The following ZNF215 variants were observed in gnomAD, a reference collection of about 807,000 sequenced individuals.
ZNF215 encodes BWSCR2-associated zinc finger protein 2.
In ZNF215, 24 loss-of-function variants were observed where a neutral mutation model predicts 27.2. That is an observed-to-expected ratio of 0.88 (90% CI 0.64 to 1.24). The LOEUF is 1.24. Among genes scored for constraint, ZNF215 ranks in the 50% most tolerant of loss-of-function variants. ZNF215 has a pLI of 0.00. For missense variants in ZNF215, 675 were observed against 605.7 expected, an observed-to-expected ratio of 1.11 and a Z score of -1.20; for synonymous variants, 210 against 204.0, an observed-to-expected ratio of 1.03 and a Z score of -0.25.
At chr11:6,958,500 T>G (rs569437289), downstream of ZNF215, among the ~76,000 whole-genome samples, 2 of 152,254 alleles carry the variant, frequency 1.3e-5, no homozygotes, top group African/African-American at 4.8e-5. Flanking sequence ...TTTAAAGCTC[T>G]TGCAGAGCAT....
At chr11:6,980,675 T>C (rs542272522) in intron 5 of ZNF215, among the ~76,000 whole-genome samples, 360 of 151,666 alleles carry the variant, frequency 2.4e-3, no homozygotes, top group African/African-American at 8.2e-3. Context: ...TAGTTACATA[T>C]GTATACATGT....
chr11:6,978,469 T>G (rs1163829624), intron 5 of ZNF215, among the ~76,000 whole-genome samples: 3 of 151,938 alleles, frequency 2.0e-5, no homozygotes, highest in African/African-American at 7.3e-5. Context: ...AGGAGCCGAG[T>G]TGAAAACAAA....
At chr11:6,982,068 C>T (rs1013702498) in intron 5 of ZNF215, among the ~76,000 whole-genome samples, 21 of 152,056 alleles carry the variant, frequency 1.4e-4, no homozygotes, top group African/African-American at 4.1e-4. Flanking sequence ...GTTCTTTTGG[C>T]TTAGGATTGA....
intron 5 of ZNF215, among the ~76,000 whole-genome samples, chr11:6,964,595 A>T: frequency 6.6e-6 from 1 of 151,718 alleles, no homozygotes; most frequent in East Asian, 1.9e-4. Context: ...TCTTTCACTG[A>T]TCTTTGTGCC....
intron 3 of ZNF215, among the ~76,000 whole-genome samples, chr11:6,937,363 T>C (rs1602569): frequency 0.41 from 62,488 of 151,676 alleles, 13,073 homozygotes; most frequent in South Asian, 0.49. Context: ...TACAAACCAT[T>C]GTTGAAATTA....
At chr11:6,943,454 C>G in intron 5 of ZNF215, 92 bp from the exon 6 acceptor site, 1 of 1,268,424 alleles carries the variant, frequency 7.9e-7, no homozygotes, top group Non-Finnish European at 1.1e-6. Flanking sequence ...GCTTGGATTA[C>G]TGTGTCGGGA....
chr11:6,932,525 A>G lies in ZNF215; in HGVS notation c.253A>G (p.Lys85Glu). 1.9e-6 allele frequency: 3 copies of G among 1,614,174 alleles called. No individual in the cohort carries two copies. The highest frequency in any genetic ancestry group is 2.5e-6 in the Non-Finnish European group (3 of 1,180,026). ...QWLRPEIHTK[K>E]QIIELLVLEQ... ...GCTGAGACCAGAGATTCATACAAAGAAGCAGATTATAGAACTGTTGGTGCT... is the reference window on the plus strand; with the variant it reads ...GCTGAGACCAGAGATTCATACAAAGGAGCAGATTATAGAACTGTTGGTGCT... The change falls in exon 3 of 7, where the codon AAG becomes GAG. Residue 85 changes from lysine to glutamate, a missense_variant. Lys to Glu is a moderately conservative substitution (Grantham distance 56). Transcript: ENST00000278319.
At chr11:6,966,770 T>A in intron 5 of ZNF215, among the ~76,000 whole-genome samples, 1 of 151,912 alleles carries the variant, frequency 6.6e-6, no homozygotes, top group Non-Finnish European at 1.5e-5. Context: ...TTTCTTAAGG[T>A]AGATGCTTAT....
At chr11:6,975,571 A>C (rs2133343635) in intron 5 of ZNF215, among the ~76,000 whole-genome samples, 1 of 151,980 alleles carries the variant, frequency 6.6e-6, no homozygotes, top group South Asian at 2.1e-4. Flanking sequence ...TACGTCCGTG[A>C]GTTCAATTGT....
At position 6,970,819 on chromosome 11, in the gene ZNF215, G is replaced by A. The variant is rs575496151; in HGVS notation, c.806-13310G>A. Reference sequence around the variant, plus strand: ...TACTGAGCACAAAACTAGATATTCCGAGACATCCTTCCTTGCAGGTACATG... The same window carrying A: ...TACTGAGCACAAAACTAGATATTCCAAGACATCCTTCCTTGCAGGTACATG... On this transcript the variant is annotated intron_variant, in intron 5 of 5. Coordinates refer to the ZNF215 transcript ENST00000529903. 1.7e-3 allele frequency among the ~76,000 whole-genome samples: 258 copies of A among 152,224 alleles called. 2 individuals carry two copies. The highest frequency in any genetic ancestry group is 6.0e-3 in the African/African-American group (251 of 41,530).
chr11:6,959,554 C>G (rs1053720252), downstream of ZNF215, among the ~76,000 whole-genome samples: 4 of 152,098 alleles, frequency 2.6e-5, no homozygotes, highest in African/African-American at 7.2e-5. Context: ...CGTTGAAAAA[C>G]TGTTAGATTT....
intron 3 of ZNF215, among the ~76,000 whole-genome samples, chr11:6,936,012 A>G (rs1849424353): frequency 1.3e-5 from 2 of 152,108 alleles, no homozygotes; most frequent in Non-Finnish European, 2.9e-5. Context: ...AAAATACAAC[A>G]TACCAAAACT....
chr11:6,933,242 G>A (rs1256989566), intron 3 of ZNF215, among the ~76,000 whole-genome samples: 3 of 152,290 alleles, frequency 2.0e-5, no homozygotes, highest in East Asian at 1.9e-4. Context: ...AATTATAAAC[G>A]TATAAATAGG....
chr11:6,964,946 A>C (rs1040631354), intron 5 of ZNF215, among the ~76,000 whole-genome samples: 2 of 152,056 alleles, frequency 1.3e-5, no homozygotes, highest in Non-Finnish European at 2.9e-5. Flanking sequence ...TTTGTATTTA[A>C]ACAAAGTTTT....
Position 6,932,407 on chromosome 11 carries a change from G to T in ZNF215, c.135G>T (p.Glu45Asp), listed in dbSNP as rs756128690. The T allele has an allele frequency of 5.6e-6, 9 of 1,614,028 alleles. No homozygotes were observed. In the East Asian group the frequency reaches 2.0e-4, roughly 36 times the overall value. Residue 45 changes from glutamate to aspartate, a missense_variant, in exon 3 of 7, where the codon GAG (glutamate) becomes GAT (aspartate). Coordinates refer to ENST00000278319, the MANE Select transcript of ZNF215 (RefSeq NM_013250.4). ...CCGTCGTGGAGACACATGACTCTGAGGCATCTCGTCAAAAGTTCAGACATT... is the reference window on the plus strand; with the variant it reads ...CCGTCGTGGAGACACATGACTCTGATGCATCTCGTCAAAAGTTCAGACATT... ...TNPVVETHDS[E>D]ASRQKFRHFQ...
rs1590073825 is a variant in ZNF215 at position 6,956,905 on chromosome 11, C to G, written c.*374C>G. 2 of 997,590 alleles carry G rather than the reference C, an allele frequency of 2.0e-6. No homozygotes were observed. Among genetic ancestry groups the G allele is most frequent in the Non-Finnish European group, 2.4e-6 (2 of 837,516 alleles). The allele number at this position is 997,590 out of a possible 1,614,324, so 61.8% of individuals were successfully genotyped here. On this transcript the variant is annotated 3_prime_UTR_variant, in exon 7 of 7. Coordinates refer to ENST00000278319, the MANE Select transcript of ZNF215 (RefSeq NM_013250.4). Reference sequence around the variant, plus strand: ...ACATTAGGCAAAGCCAAACAATACTCTTGGAGTTGATATTTAATAAAACTC... The same window carrying G: ...ACATTAGGCAAAGCCAAACAATACTGTTGGAGTTGATATTTAATAAAACTC...
chr11:6,985,946 A>G (rs559776877), downstream of ZNF215, among the ~76,000 whole-genome samples: 3 of 152,314 alleles, frequency 2.0e-5, no homozygotes, highest in East Asian at 5.8e-4. Flanking sequence ...TTAAATGGCC[A>G]TACTGCCCAA....
In ZNF215 at chr11:6,932,137, G is replaced by C. The variant is rs568229327; in HGVS notation, c.-136G>C. On this transcript the variant is annotated 5_prime_UTR_variant, in exon 3 of 7. Transcript: ENST00000278319. ...ATTGGCTTTGTGTCTAAAGTTTCTGGAACTTTCCTCCTTACCGTGAAATAA... is the reference window on the plus strand; with the variant it reads ...ATTGGCTTTGTGTCTAAAGTTTCTGCAACTTTCCTCCTTACCGTGAAATAA... The C allele has an allele frequency of 9.7e-6, 11 of 1,139,268 alleles. No homozygotes were observed. In the East Asian group the frequency reaches 2.7e-4, roughly 28 times the overall value. The allele number at this position is 1,139,268 out of a possible 1,614,324, so 70.6% of individuals were successfully genotyped here. A position where few individuals can be genotyped will look rare whatever the true frequency, so the allele number is the denominator to read the frequency against.
rs145447932 is a variant in ZNF215 at position 6,975,431 on chromosome 11, A to G, written c.806-8698A>G. Among the ~76,000 whole-genome samples the G allele has an allele frequency of 6.6e-5, 10 of 152,024 alleles. No homozygotes were observed. In the East Asian group the frequency reaches 1.2e-3, roughly 18 times the overall value. On this transcript the variant is annotated intron_variant, in intron 5 of 5. Coordinates refer to the ZNF215 transcript ENST00000529903. ...ATTTTTAAATGTACAATTACTGACT[A>G]CAGTCCCATTGTGCTATCCAATAGT...
Sources: allele counts gnomAD v4.1 joint callset (sites outside exome capture counted in the v4.1 genomes callset), GRCh38; gene constraint gnomAD v4.1.1; transcripts MANE v1.5; gene names NCBI Gene and HGNC (gene_info 2026-07-23, HGNC 2026-07-21).